PPM1E: variants seen among roughly 807,000 people sequenced by gnomAD.
PPM1E encodes the protein protein phosphatase 1E.
PPM1E carries 20 observed loss-of-function variants against 65.9 expected under a neutral mutation model. The ratio of observed to expected loss-of-function variants is 0.30; its 90% CI spans 0.21 to 0.44. PPM1E has a LOEUF of 0.44. Ranked by LOEUF, PPM1E falls within the 20% of genes least tolerant of loss-of-function variation. PPM1E has a pLI of 1.00. For synonymous variants in PPM1E, 352 were observed against 374.9 expected (o/e 0.94, Z 0.70); for missense variants, 713 against 953.1 (o/e 0.75, Z 3.32).
At chr17:58,965,992 G>GT (rs2030210755) in intron 3 of PPM1E, 99 bp downstream of exon 3, 1 of 1,250,612 alleles carries the variant, frequency 8.0e-7, no homozygotes, top group South Asian at 1.4e-5. Context: ...ATTTCTAATT[G>GT]TATCTCTGGT....
intron 1 of PPM1E, among the ~76,000 whole-genome samples, chr17:58,916,350 C>CTA (rs2051682914): frequency 2.6e-5 from 4 of 152,004 alleles, no homozygotes; most frequent in African/African-American, 9.7e-5. Flanking sequence ...GTCCTGTTTC[C>CTA]CTGATCCCAT....
chr17:58,812,715 A>G (rs1433897979), intron 1 of PPM1E, among the ~76,000 whole-genome samples: 3 of 151,992 alleles, frequency 2.0e-5, no homozygotes, highest in East Asian at 3.9e-4. Flanking sequence ...CACCATGCCC[A>G]GCTAATTTTT....
chr17:58,907,518 T>C (rs1414453208), intron 1 of PPM1E, among the ~76,000 whole-genome samples: 1 of 152,194 alleles, frequency 6.6e-6, no homozygotes, highest in African/African-American at 2.4e-5. Context: ...TGGATGGTGT[T>C]GTTGAGTTCA....
chr17:58,775,526 C>T (rs2049984915), intron 1 of PPM1E, among the ~76,000 whole-genome samples: 1 of 152,104 alleles, frequency 6.6e-6, no homozygotes, highest in Admixed American at 6.6e-5. Context: ...ATATTTTAAA[C>T]AAATTCAGCC....
intron 1 of PPM1E, among the ~76,000 whole-genome samples, chr17:58,910,371 C>T (rs542872331): frequency 2.0e-4 from 31 of 152,242 alleles, no homozygotes; most frequent in Middle Eastern, 3.4e-3. Context: ...TTCCACCTCT[C>T]TGCTTATACC....
At chr17:58,840,765 A>G (rs1486460430) in intron 1 of PPM1E, among the ~76,000 whole-genome samples, 1 of 152,250 alleles carries the variant, frequency 6.6e-6, no homozygotes, top group East Asian at 1.9e-4. Flanking sequence ...AACCTAAAGT[A>G]TAACATAAAT....
intron 1 of PPM1E, among the ~76,000 whole-genome samples, chr17:58,871,271 T>C (rs1020654440): frequency 7.2e-5 from 11 of 152,028 alleles, no homozygotes; most frequent in African/African-American, 2.7e-4. Context: ...AACTCCTGGG[T>C]TCAAGTGATC....
chr17:58,964,473 C>T (rs988917298), intron 2 of PPM1E, among the ~76,000 whole-genome samples: 14 of 152,044 alleles, frequency 9.2e-5, no homozygotes, highest in African/African-American at 2.7e-4. Flanking sequence ...GAAGTCAGCT[C>T]GCCAATTCTA....
intron 1 of PPM1E, among the ~76,000 whole-genome samples, chr17:58,882,690 C>T (rs2051211191): frequency 6.6e-6 from 1 of 152,038 alleles, no homozygotes; most frequent in African/African-American, 2.4e-5. Flanking sequence ...CGAGCCTGGC[C>T]TGCATTGTTT....
intron 1 of PPM1E, among the ~76,000 whole-genome samples, chr17:58,865,822 C>T (rs1483668589): frequency 6.6e-6 from 1 of 152,190 alleles, no homozygotes; most frequent in African/African-American, 2.4e-5. Context: ...AGCTAGACAA[C>T]AGCAAATCTG....
chr17:58,824,773 ATTT>A (rs35598764), intron 1 of PPM1E, among the ~76,000 whole-genome samples: 2 of 132,420 alleles, frequency 1.5e-5, no homozygotes. Context: ...TATTTTTTGT[ATTT>A]TTTTTTTTTT....
At chr17:58,816,785 TATA>T (rs2050427535) in intron 1 of PPM1E, among the ~76,000 whole-genome samples, 1 of 10,878 alleles carries the variant, frequency 9.2e-5, no homozygotes, top group Admixed American at 1.0e-3. Flanking sequence ...TATATATATA[TATA>T]TATATATTTT....
chr17:58,823,449 G>C (rs933139554), intron 1 of PPM1E, among the ~76,000 whole-genome samples: 10 of 152,146 alleles, frequency 6.6e-5, no homozygotes, highest in African/African-American at 2.4e-4. Flanking sequence ...TTTATGATTA[G>C]ATATGTTTTA....
At chr17:58,793,382 G>A (rs1207669814) in intron 1 of PPM1E, among the ~76,000 whole-genome samples, 1 of 151,316 alleles carries the variant, frequency 6.6e-6, no homozygotes, top group Non-Finnish European at 1.5e-5. Flanking sequence ...TTGAGATGGA[G>A]TCTTGCTCTG....
At chr17:58,970,398 A>G (rs1296999447) in intron 4 of PPM1E, among the ~76,000 whole-genome samples, 1 of 152,172 alleles carries the variant, frequency 6.6e-6, no homozygotes, top group Non-Finnish European at 1.5e-5. Flanking sequence ...AATTAACTAC[A>G]GTGTTCTATA....
chr17:58,981,172 T>G lies in PPM1E; in HGVS notation c.*141T>G. ...CAATTCTTAAATGTAAATAGATCTC[T>G]AGGAAACTCAAAGTACAGTGTTTTC... On this transcript the variant is annotated 3_prime_UTR_variant, in exon 7 of 7. Coordinates refer to ENST00000308249, the MANE Select transcript of PPM1E (RefSeq NM_014906.5). 3.1e-6 allele frequency: 2 copies of G among 645,110 alleles called. No individual in the cohort carries two copies. Among genetic ancestry groups the G allele is most frequent in the Non-Finnish European group, 2.6e-6 (1 of 388,760 alleles). The allele number at this position is 645,110 out of a possible 1,614,324, so 40.0% of individuals were successfully genotyped here.
At chr17:58,979,817 T>C (rs2031258221) in intron 6 of PPM1E, among the ~76,000 whole-genome samples, 157 bp from the exon 7 acceptor site, 1 of 152,224 alleles carries the variant, frequency 6.6e-6, no homozygotes, top group South Asian at 2.1e-4. Flanking sequence ...CCAGAGAATT[T>C]AAGTATTTTG....
At chr17:58,956,358 C>G (rs1242147970) in intron 2 of PPM1E, among the ~76,000 whole-genome samples, 3 of 151,834 alleles carry the variant, frequency 2.0e-5, no homozygotes, top group Admixed American at 2.0e-4. Flanking sequence ...ATTGGTTGAA[C>G]CCAGGAGGTG....
At chr17:58,951,030 G>A (rs142291688) in intron 1 of PPM1E, among the ~76,000 whole-genome samples, 2,657 of 151,982 alleles carry the variant, frequency 0.017, 30 homozygotes, top group Middle Eastern at 0.051. Flanking sequence ...TGCCCGCCTC[G>A]GCCTCCCAAA....
Sources: allele counts gnomAD v4.1 joint callset (sites outside exome capture counted in the v4.1 genomes callset), GRCh38; gene constraint gnomAD v4.1.1; transcripts MANE v1.5; gene names NCBI Gene and HGNC (gene_info 2026-07-23, HGNC 2026-07-21).